The following ADCY8 variants were observed in gnomAD, a reference collection of about 807,000 sequenced individuals.
The protein encoded by ADCY8 is adenylate cyclase 8.
ADCY8 carries 51 observed loss-of-function variants against 119.7 expected under a neutral mutation model. The observed-to-expected ratio is 0.43, with a 90% CI of 0.34 to 0.54. The LOEUF (loss-of-function observed/expected upper bound fraction) is 0.54, where lower values mean the gene tolerates loss of function less well. Ranked by LOEUF, ADCY8 falls within the 20% of genes least tolerant of loss-of-function variation. The probability of loss-of-function intolerance (pLI) is 0.03; values close to 1 mark genes in which losing one functional copy is unlikely to be tolerated. For synonymous variants in ADCY8, 665 were observed against 651.0 expected, an observed-to-expected ratio of 1.02 and a Z score of -0.33; for missense variants, 1,383 against 1,598.8, an observed-to-expected ratio of 0.87 and a Z score of 2.30.
Position 130,943,429 on chromosome 8 carries a change from G to A in ADCY8, c.1275C>T (p.Asn425=). ...ILFADVKGFT[N]LSTTLSAQEL... ...CCTGAGCAGACAAGGTCGTGGAGAG[G>A]TTGGTAAATCCTTTAACATCTGCAA... Residue 425 remains asparagine, a synonymous_variant, in exon 4 of 18, where the codon AAC becomes AAT. Transcript: ENST00000286355. 1.5e-6 allele frequency: 2 copies of A among 1,361,176 alleles called. No individual in the cohort carries two copies. Among genetic ancestry groups the A allele is most frequent in the East Asian group, 4.5e-5 (1 of 22,242 alleles). 84.3% of individuals were successfully genotyped at this position (1,361,176 alleles called of 1,614,324 possible).
intron 1 of ADCY8, among the ~76,000 whole-genome samples, chr8:131,013,736 T>A (rs1202494445): frequency 6.9e-6 from 1 of 145,910 alleles, no homozygotes; most frequent in African/African-American, 2.8e-5. Context: ...TTTTGATTCA[T>A]CATTAGTTAC....
intron 1 of ADCY8, among the ~76,000 whole-genome samples, chr8:131,006,753 A>G (rs1199500927): frequency 6.6e-6 from 1 of 152,164 alleles, no homozygotes; most frequent in Non-Finnish European, 1.5e-5. Context: ...TCTCTCACCA[A>G]TCCTGTTTAG....
At chr8:130,911,324 G>A (rs1273731851) in intron 5 of ADCY8, among the ~76,000 whole-genome samples, 1 of 152,132 alleles carries the variant, frequency 6.6e-6, no homozygotes, top group African/African-American at 2.4e-5. Context: ...ATTTACTAAT[G>A]TTTAAATATC....
At chr8:130,903,337 CT>C (rs1421561455) in intron 7 of ADCY8, among the ~76,000 whole-genome samples, 6 of 152,116 alleles carry the variant, frequency 3.9e-5, no homozygotes, top group East Asian at 1.9e-4. Context: ...CAGTGCCCCC[CT>C]GATTTTGAAT....
chr8:130,836,541 A>C, intron 11 of ADCY8, 92 bp from the exon 12 acceptor site: 1 of 1,377,500 alleles, frequency 7.3e-7, no homozygotes, highest in South Asian at 1.4e-5. Context: ...ACACATTTGC[A>C]GAGAGTTTCC....
intron 14 of ADCY8, among the ~76,000 whole-genome samples, chr8:130,813,313 T>C (rs1816230898): frequency 6.6e-6 from 1 of 152,184 alleles, no homozygotes; most frequent in Non-Finnish European, 1.5e-5. Flanking sequence ...TGCAACCATC[T>C]TCACCATCTA....
rs542320609 is a variant in ADCY8 at position 130,852,485 on chromosome 8, C to T, written c.2211-2682G>A. Among the ~76,000 whole-genome samples, 18 of 152,116 alleles carry T rather than the reference C, an allele frequency of 1.2e-4. No homozygotes were observed. In the East Asian group the frequency reaches 1.9e-3, roughly 16 times the overall value. ...TAAATGAAAGAGAATGCAGGCGGAT[C>T]GCTTTGTCAGGAAGTCCCATGAGAG... On this transcript the variant is annotated intron_variant, in intron 9 of 17. Transcript: ENST00000286355.
intron 2 of ADCY8, among the ~76,000 whole-genome samples, chr8:130,975,586 A>G (rs1563752114): frequency 6.6e-6 from 1 of 152,218 alleles, no homozygotes; most frequent in Non-Finnish European, 1.5e-5. Flanking sequence ...TTAAACCACA[A>G]GCATTTATTT....
chr8:130,998,990 G>T (rs1192164978), intron 1 of ADCY8, among the ~76,000 whole-genome samples: 2 of 152,092 alleles, frequency 1.3e-5, no homozygotes, highest in African/African-American at 4.8e-5. Context: ...CCATAGACTG[G>T]CATGAAGAAA....
chr8:130,914,265 G>A (rs1157130640), intron 5 of ADCY8, among the ~76,000 whole-genome samples: 3 of 152,166 alleles, frequency 2.0e-5, no homozygotes, highest in Non-Finnish European at 4.4e-5. Flanking sequence ...GAACTATTGT[G>A]AGCCCCGAAG....
At chr8:130,824,470 T>G (rs1016807473) in intron 12 of ADCY8, among the ~76,000 whole-genome samples, 4 of 152,204 alleles carry the variant, frequency 2.6e-5, no homozygotes, top group Non-Finnish European at 5.9e-5. Context: ...TGCCCTCCTC[T>G]GTGTACCTAC....
chr8:130,885,074 G>A (rs1213961910), intron 7 of ADCY8, among the ~76,000 whole-genome samples: 1 of 152,100 alleles, frequency 6.6e-6, no homozygotes, highest in Non-Finnish European at 1.5e-5. Flanking sequence ...CACAACCTGG[G>A]TATGAGAGAA....
intron 1 of ADCY8, among the ~76,000 whole-genome samples, chr8:131,036,637 G>A (rs1362054755): frequency 6.6e-6 from 1 of 152,182 alleles, no homozygotes; most frequent in Non-Finnish European, 1.5e-5. Context: ...GATAGCAGAT[G>A]TGCTCTGGAG....
chr8:130,862,679 C>T (rs916156772), intron 9 of ADCY8, among the ~76,000 whole-genome samples: 2 of 152,170 alleles, frequency 1.3e-5, no homozygotes, highest in African/African-American at 4.8e-5. Context: ...TCCCAAAGTG[C>T]TGGGATTACA....
chr8:130,944,220 A>G (rs1563738923), intron 3 of ADCY8, among the ~76,000 whole-genome samples: 1 of 152,200 alleles, frequency 6.6e-6, no homozygotes, highest in Non-Finnish European at 1.5e-5. Flanking sequence ...CTTGCCCAGC[A>G]TCTCACTAGT....
At chr8:131,021,926 A>G (rs1192644362) in intron 1 of ADCY8, among the ~76,000 whole-genome samples, 1 of 152,196 alleles carries the variant, frequency 6.6e-6, no homozygotes, top group Non-Finnish European at 1.5e-5. Flanking sequence ...ATTTTCAAAC[A>G]TATGCAAAAA....
chr8:131,028,879 C>T (rs748275810), intron 1 of ADCY8, among the ~76,000 whole-genome samples: 7 of 152,148 alleles, frequency 4.6e-5, no homozygotes, highest in Non-Finnish European at 8.8e-5. Flanking sequence ...ACCTCCTGCC[C>T]CCAGCTGTAC....
At position 130,904,010 on chromosome 8, in the gene ADCY8, C is replaced by T. The variant is rs757628799; in HGVS notation, c.1673G>A (p.Cys558Tyr). The T allele has an allele frequency of 6.2e-7, 1 of 1,613,986 alleles. No homozygotes were observed. Among genetic ancestry groups the T allele is most frequent in the Non-Finnish European group, 8.5e-7 (1 of 1,179,884 alleles). The change falls in exon 7 of 18, where the codon TGT becomes TAT. Residue 558 changes from cysteine to tyrosine, a missense_variant. Coordinates refer to ENST00000286355, the MANE Select transcript of ADCY8 (RefSeq NM_001115.3). ...RIHISKATLD[C>Y]LNGDYNVEEG... ...TTCCACGTTATAGTCACCGTTGAGA[C>T]AGTCCAGCGTGGCTTTGGAAATGTG...
chr8:130,854,009 TC>T (rs775456769), intron 9 of ADCY8, among the ~76,000 whole-genome samples: 24 of 152,340 alleles, frequency 1.6e-4, no homozygotes, highest in Non-Finnish European at 2.9e-4. Flanking sequence ...ATCATGAAAT[TC>T]AGGAAACCAA....
Sources: gnomAD v4.1 joint callset for allele counts (sites outside exome capture counted in the v4.1 genomes callset) on GRCh38, gnomAD v4.1.1 for gene constraint, MANE v1.5 for transcripts, NCBI Gene and HGNC (gene_info 2026-07-23, HGNC 2026-07-21) for gene names.